The following DDAH1 variants were observed in gnomAD, a reference collection of about 807,000 sequenced individuals.
DDAH1 encodes N(G),N(G)-dimethylarginine dimethylaminohydrolase 1.
DDAH1 carries 19 observed loss-of-function variants against 28.8 expected under a neutral mutation model. The observed-to-expected ratio is 0.66, with a 90% CI of 0.46 to 0.97. DDAH1 has a LOEUF of 0.97. Among genes scored for constraint, DDAH1 ranks in the 50% least tolerant of loss-of-function variants. DDAH1 has a pLI of 0.00. For missense variants in DDAH1, 326 were observed against 375.9 expected (o/e 0.87, Z 1.10); for synonymous variants, 153 against 154.4 (o/e 0.99, Z 0.07).
chr1:85,451,925 A>C (rs1385074094), intron 1 of DDAH1, among the ~76,000 whole-genome samples: 1 of 152,202 alleles, frequency 6.6e-6, no homozygotes, highest in Non-Finnish European at 1.5e-5. Context: ...ATATCACAAC[A>C]TTATAATTTG....
At chr1:85,541,088 A>G (rs79068413) in intron 1 of DDAH1, among the ~76,000 whole-genome samples, 12,604 of 152,146 alleles carry the variant, frequency 0.083, 673 homozygotes, top group African/African-American at 0.16. Flanking sequence ...AATGAATACC[A>G]GTTATTGTCA....
chr1:85,480,149 C>T (rs553067907), intron 2 of DDAH1, among the ~76,000 whole-genome samples: 2 of 152,260 alleles, frequency 1.3e-5, no homozygotes, highest in South Asian at 2.1e-4. Flanking sequence ...TCAACATTCA[C>T]CTTAGAAATT....
intron 1 of DDAH1, among the ~76,000 whole-genome samples, chr1:85,425,329 T>C (rs1653344919): frequency 6.6e-6 from 1 of 152,164 alleles, no homozygotes; most frequent in African/African-American, 2.4e-5. Flanking sequence ...AATATTTTTT[T>C]TTATTGATCC....
chr1:85,553,179 G>T (rs1044657616), intron 1 of DDAH1, among the ~76,000 whole-genome samples: 1 of 152,034 alleles, frequency 6.6e-6, no homozygotes, highest in Non-Finnish European at 1.5e-5. Context: ...CCTTAGAACC[G>T]CTCAGCCAGC....
At chr1:85,521,217 T>C (rs1657673077) in intron 1 of DDAH1, among the ~76,000 whole-genome samples, 1 of 151,762 alleles carries the variant, frequency 6.6e-6, no homozygotes, top group Admixed American at 6.6e-5. Context: ...TTTTGGGTGA[T>C]GCAGACAGCC....
chr1:85,497,301 C>T (rs949797632), intron 1 of DDAH1, among the ~76,000 whole-genome samples: 1 of 152,198 alleles, frequency 6.6e-6, no homozygotes, highest in Non-Finnish European at 1.5e-5. Flanking sequence ...GTTGTACTCT[C>T]TATTGGTATA....
chr1:85,453,101 C>G (rs1285744670), intron 1 of DDAH1, among the ~76,000 whole-genome samples: 1 of 152,150 alleles, frequency 6.6e-6, no homozygotes. Flanking sequence ...GGAGCGTGTT[C>G]TAAATCATAA....
intron 1 of DDAH1, among the ~76,000 whole-genome samples, chr1:85,455,932 A>T (rs1023158070): frequency 3.9e-5 from 6 of 152,216 alleles, no homozygotes; most frequent in African/African-American, 1.4e-4. Context: ...AAGCAGAAAA[A>T]GTATAATGTC....
chr1:85,501,444 A>G (rs972747571), intron 1 of DDAH1, among the ~76,000 whole-genome samples: 2 of 152,150 alleles, frequency 1.3e-5, no homozygotes, highest in South Asian at 2.1e-4. Flanking sequence ...TTGCCACCAG[A>G]CTTTGTAGAG....
chr1:85,415,660 A>T (rs1331400958), intron 1 of DDAH1, among the ~76,000 whole-genome samples: 2 of 152,234 alleles, frequency 1.3e-5, no homozygotes, highest in Non-Finnish European at 2.9e-5. Flanking sequence ...GAAAAAAATG[A>T]AACACTATAT....
intron 4 of DDAH1, among the ~76,000 whole-genome samples, chr1:85,326,158 A>C (rs1647380804): frequency 6.6e-6 from 1 of 152,196 alleles, no homozygotes; most frequent in Non-Finnish European, 1.5e-5. Context: ...CTGACTCACC[A>C]GTCAGGTAAA....
chr1:85,527,323 G>C (rs3119165), intron 1 of DDAH1, among the ~76,000 whole-genome samples: 1 of 148,576 alleles, frequency 6.7e-6, no homozygotes, highest in African/African-American at 2.4e-5. Flanking sequence ...CTTGTGCAGC[G>C]GTCTGGTCTC....
rs184200856 is a variant in DDAH1, at chr1:85,553,020, C to G, written c.-123+24964G>C. On this transcript the variant is annotated intron_variant, in intron 1 of 6. Coordinates refer to the DDAH1 transcript ENST00000426972. ...TCCTTGTTCTCTTGAAATTCTTGCT[C>G]TGAGGGGAGGCAGCTGCCATGTAAG... Among the ~76,000 whole-genome samples, 36 of 152,164 alleles carry G rather than the reference C, an allele frequency of 2.4e-4. 1 individual carries two copies. In the East Asian group the frequency reaches 5.6e-3, roughly 24 times the overall value.
intron 2 of DDAH1, among the ~76,000 whole-genome samples, chr1:85,474,200 C>T (rs914939958): frequency 6.6e-6 from 1 of 152,212 alleles, no homozygotes; most frequent in African/African-American, 2.4e-5. Context: ...TCTCTTCATC[C>T]ACTCTGCTAC....
At chr1:85,557,862 A>G (rs922969352) in intron 1 of DDAH1, among the ~76,000 whole-genome samples, 2 of 152,028 alleles carry the variant, frequency 1.3e-5, no homozygotes, top group Non-Finnish European at 2.9e-5. Context: ...CCTGCAAGCC[A>G]AGAAGAGAGG....
intron 4 of DDAH1, among the ~76,000 whole-genome samples, chr1:85,339,609 G>T (rs1364897239): frequency 6.6e-6 from 1 of 152,178 alleles, no homozygotes; most frequent in African/African-American, 2.4e-5. Context: ...TCTTTTGCAT[G>T]TCAGTATTTC....
chr1:85,386,857 A>G (rs1651291616), intron 1 of DDAH1, among the ~76,000 whole-genome samples: 1 of 152,092 alleles, frequency 6.6e-6, no homozygotes, highest in African/African-American at 2.4e-5. Flanking sequence ...AGCCTCCATC[A>G]CCCTTGCATT....
chr1:85,444,114 C>T (rs1354424452), intron 1 of DDAH1, among the ~76,000 whole-genome samples: 2 of 152,136 alleles, frequency 1.3e-5, no homozygotes, highest in Non-Finnish European at 2.9e-5. Context: ...GAAATGCTTC[C>T]AGTTTTTGCC....
intron 1 of DDAH1, among the ~76,000 whole-genome samples, chr1:85,447,265 C>T (rs958551453): frequency 2.0e-5 from 3 of 152,170 alleles, no homozygotes; most frequent in African/African-American, 7.2e-5. Context: ...TATAGGCTGG[C>T]CAGCTATATA....
Sources: allele counts gnomAD v4.1 joint callset (sites outside exome capture counted in the v4.1 genomes callset), GRCh38; gene constraint gnomAD v4.1.1; transcripts MANE v1.5; gene names NCBI Gene and HGNC (gene_info 2026-07-23, HGNC 2026-07-21).